The following FSHR variants were observed in gnomAD, a reference collection of about 807,000 sequenced individuals.
The protein encoded by FSHR is follicle stimulating hormone receptor, also known as follicle-stimulating hormone receptor.
In FSHR, 46 loss-of-function variants were observed where a neutral mutation model predicts 52.1. That is an observed-to-expected ratio of 0.88 (90% CI 0.70 to 1.13). The LOEUF is 1.13. Among genes scored for constraint, FSHR ranks in the 50% most tolerant of loss-of-function variants. FSHR has a pLI of 0.00. For synonymous variants in FSHR, 399 were observed against 309.6 expected, an observed-to-expected ratio of 1.29 and a Z score of -3.03; for missense variants, 964 against 834.6, an observed-to-expected ratio of 1.16 and a Z score of -1.91.
chr2:48,971,049 T>G (rs1358823273), intron 8 of FSHR, among the ~76,000 whole-genome samples: 1 of 152,174 alleles, frequency 6.6e-6, no homozygotes, highest in African/African-American at 2.4e-5. Flanking sequence ...ATATAAAAAA[T>G]GCCTATTAGA....
chr2:49,119,171 G>T (rs186069633), intron 1 of FSHR, among the ~76,000 whole-genome samples: 4 of 152,306 alleles, frequency 2.6e-5, no homozygotes, highest in Non-Finnish European at 5.9e-5. Flanking sequence ...TAAGAATGAA[G>T]ACTGATATTA....
chr2:49,149,967 T>A (rs1181575215), intron 1 of FSHR, among the ~76,000 whole-genome samples: 2 of 152,040 alleles, frequency 1.3e-5, no homozygotes, highest in Non-Finnish European at 2.9e-5. Context: ...TTTAGTATTA[T>A]AATCATCTGA....
chr2:49,071,512 C>G (rs570408364), intron 1 of FSHR, among the ~76,000 whole-genome samples: 3 of 152,050 alleles, frequency 2.0e-5, no homozygotes, highest in Non-Finnish European at 2.9e-5. Flanking sequence ...AAAAGAATAT[C>G]TTTAAAGGAT....
intron 1 of FSHR, among the ~76,000 whole-genome samples, chr2:49,111,325 T>C (rs1671415203): frequency 6.6e-6 from 1 of 152,188 alleles, no homozygotes; most frequent in Admixed American, 6.5e-5. Context: ...ATTTTTGTTT[T>C]AATCCACTGT....
intron 2 of FSHR, among the ~76,000 whole-genome samples, chr2:49,054,299 C>A (rs1474849024): frequency 6.6e-6 from 1 of 152,154 alleles, no homozygotes; most frequent in Non-Finnish European, 1.5e-5. Flanking sequence ...TAAGAAATAG[C>A]CCACAGGTTG....
chr2:49,145,864 G>C (rs933577729), intron 1 of FSHR, among the ~76,000 whole-genome samples: 1 of 152,014 alleles, frequency 6.6e-6, no homozygotes, highest in South Asian at 2.1e-4. Flanking sequence ...GGTATCAAAG[G>C]TGAGTAATAT....
At chr2:49,082,252 G>A (rs1670199885) in intron 1 of FSHR, among the ~76,000 whole-genome samples, 1 of 152,164 alleles carries the variant, frequency 6.6e-6, no homozygotes, top group South Asian at 2.1e-4. Context: ...ACCTCACACA[G>A]CCGGGTACTC....
intron 2 of FSHR, among the ~76,000 whole-genome samples, chr2:49,029,637 G>C (rs1245823759): frequency 6.6e-6 from 1 of 152,168 alleles, no homozygotes; most frequent in Non-Finnish European, 1.5e-5. Context: ...AAGATCACAT[G>C]AATAATGCAT....
intron 1 of FSHR, among the ~76,000 whole-genome samples, chr2:49,121,169 C>G (rs1279809514): frequency 6.6e-6 from 1 of 152,186 alleles, no homozygotes; most frequent in Non-Finnish European, 1.5e-5. Context: ...TGAGCAGCTT[C>G]TATGTGCCAG....
intron 4 of FSHR, among the ~76,000 whole-genome samples, chr2:49,012,082 G>T (rs1667297158): frequency 6.6e-6 from 1 of 152,090 alleles, no homozygotes; most frequent in Non-Finnish European, 1.5e-5. Flanking sequence ...CATCTGAGTG[G>T]AAGATGGTTG....
chr2:49,132,245 C>A (rs1263699271), intron 1 of FSHR, among the ~76,000 whole-genome samples: 1 of 152,102 alleles, frequency 6.6e-6, no homozygotes, highest in Non-Finnish European at 1.5e-5. Flanking sequence ...TAACTTTTGG[C>A]TTGTTTTCCG....
At chr2:49,137,573 A>G (rs1672530864) in intron 1 of FSHR, among the ~76,000 whole-genome samples, 1 of 152,180 alleles carries the variant, frequency 6.6e-6, no homozygotes, top group Middle Eastern at 3.4e-3. Context: ...TGTACTTCTG[A>G]CTTCAAAACT....
chr2:49,094,987 G>A (rs917478964), intron 1 of FSHR, among the ~76,000 whole-genome samples: 2 of 151,860 alleles, frequency 1.3e-5, no homozygotes, highest in Admixed American at 6.6e-5. Context: ...AGAACAAAAA[G>A]GATTATGTGA....
At chr2:48,965,006 AAAAT>A (rs1190895482) in intron 9 of FSHR, among the ~76,000 whole-genome samples, 2 of 138,702 alleles carry the variant, frequency 1.4e-5, no homozygotes, top group Non-Finnish European at 1.6e-5. Context: ...AAAAAAAAAA[AAAAT>A]TGTACATACA....
At position 48,968,809 on chromosome 2, in the gene FSHR, G is replaced by T. The variant is rs267599404; in HGVS notation, c.743C>A (p.Ser248Ter). The T allele has an allele frequency of 1.2e-6, 2 of 1,614,050 alleles. No individual in the cohort carries two copies. The highest frequency in any genetic ancestry group is 3.3e-5 in the Admixed American group (2 of 60,010). ...AGGCAGCTTTTTTAAGTTGTAAGTC[G>T]ACCTGGCCCTCAGCTTCTTAAGATT... ...LENLKKLRAR[S>*]TYNLKKLPTL... Residue 248 changes from serine (S) to a stop codon, truncating the protein, a stop_gained, in exon 9 of 10, where the codon TCG becomes TAG. Transcript: ENST00000406846. LOFTEE classifies it high-confidence loss of function.
Position 48,963,042 on chromosome 2 carries a change from A to G in FSHR, c.1779T>C (p.Ile593=). ...TGAGGGGCACCTTGAGGGAGGCAGA[A>G]ATGGCAAAGAAAGAAATGGGTGCCA... ...LCMAPISFFA[I]SASLKVPLIT... is the part of the protein sequence containing the mutation. The change falls in exon 10 of 10, where the codon ATT becomes ATC. Residue 593 remains isoleucine (I), a synonymous_variant. Transcript: ENST00000406846. 6.2e-7 allele frequency: 1 copy of G among 1,614,100 alleles called. No homozygotes were observed. Among genetic ancestry groups the G allele is most frequent in the Non-Finnish European group, 8.5e-7 (1 of 1,179,986 alleles).
intron 1 of FSHR, among the ~76,000 whole-genome samples, chr2:49,118,209 G>A (rs1315959256): frequency 6.6e-6 from 1 of 152,136 alleles, no homozygotes; most frequent in Non-Finnish European, 1.5e-5. Flanking sequence ...AGCAGGAGTT[G>A]AGAGATGTAT....
chr2:48,979,673 A>G (rs1482797398), intron 8 of FSHR, among the ~76,000 whole-genome samples: 1 of 152,216 alleles, frequency 6.6e-6, no homozygotes, highest in Non-Finnish European at 1.5e-5. Flanking sequence ...TCTTAACTCC[A>G]GATCTCCCCA....
intron 1 of FSHR, among the ~76,000 whole-genome samples, chr2:49,139,616 G>A (rs1018527922): frequency 9.8e-6 from 1 of 101,632 alleles, no homozygotes; most frequent in Admixed American, 1.0e-4. Flanking sequence ...TTTTTTTTTT[G>A]AGATGGAGTC....
Sources: allele counts gnomAD v4.1 joint callset (sites outside exome capture counted in the v4.1 genomes callset), GRCh38; gene constraint gnomAD v4.1.1; transcripts MANE v1.5; gene names NCBI Gene and HGNC (gene_info 2026-07-23, HGNC 2026-07-21).